Variants in GALNT13 observed in about 807,000 individuals in gnomAD.
The protein encoded by GALNT13 is polypeptide N-acetylgalactosaminyltransferase 13.
GALNT13 carries 28 observed loss-of-function variants against 64.2 expected under a neutral mutation model. That is an observed-to-expected ratio of 0.44 (90% CI 0.32 to 0.60). The LOEUF (loss-of-function observed/expected upper bound fraction) is 0.60, where lower values mean the gene tolerates loss of function less well. Among genes scored for constraint, GALNT13 ranks in the 20% least tolerant of loss-of-function variants. The probability of loss-of-function intolerance (pLI) is 0.05; values close to 1 mark genes in which losing one functional copy is unlikely to be tolerated. For missense variants in GALNT13, 577 were observed against 669.8 expected (o/e 0.86, Z 1.53); for synonymous variants, 214 against 224.6 (o/e 0.95, Z 0.42).
At chr2:154,318,633 G>A (rs950966772) in intron 9 of GALNT13, among the ~76,000 whole-genome samples, 1 of 151,620 alleles carries the variant, frequency 6.6e-6, no homozygotes, top group African/African-American at 2.4e-5. Flanking sequence ...GCTGAGGCAG[G>A]AGAATTGCTT....
chr2:153,466,450 GT>G, the GALNT13 span, among the ~76,000 whole-genome samples: 41 of 148,362 alleles, frequency 2.8e-4, no homozygotes, highest in African/African-American at 7.4e-4. Context: ...CTTTCTAGTT[GT>G]TTTTTTTTTA....
the GALNT13 span, among the ~76,000 whole-genome samples, chr2:153,733,123 C>T: frequency 6.6e-6 from 1 of 152,112 alleles, no homozygotes; most frequent in Admixed American, 6.6e-5. Context: ...TCAACTACTA[C>T]TTACCTTCGT....
chr2:153,966,372 CTT>C (rs35037727), intron 3 of GALNT13, among the ~76,000 whole-genome samples: 2 of 145,740 alleles, frequency 1.4e-5, no homozygotes, highest in African/African-American at 5.0e-5. Flanking sequence ...TGTTGGGATT[CTT>C]TTTTTTTTTG....
At chr2:153,435,944 G>C in the GALNT13 span, among the ~76,000 whole-genome samples, 1 of 152,100 alleles carries the variant, frequency 6.6e-6, no homozygotes, top group Admixed American at 6.5e-5. Context: ...TGCCCATTCA[G>C]TATGATATTG....
At chr2:153,954,136 T>C (rs1342936684) in intron 3 of GALNT13, among the ~76,000 whole-genome samples, 1 of 152,144 alleles carries the variant, frequency 6.6e-6, no homozygotes, top group African/African-American at 2.4e-5. Flanking sequence ...ATTCCTATGT[T>C]TACATAAGGG....
At chr2:153,790,290 A>G in the GALNT13 span, among the ~76,000 whole-genome samples, 1 of 152,206 alleles carries the variant, frequency 6.6e-6, no homozygotes, top group Non-Finnish European at 1.5e-5. Context: ...ACACAAATCA[A>G]TAATGTGATT....
intron 1 of GALNT13, among the ~76,000 whole-genome samples, chr2:153,887,869 C>G (rs1315720052): frequency 6.6e-6 from 1 of 151,954 alleles, no homozygotes; most frequent in Non-Finnish European, 1.5e-5. Context: ...ACATTGCCAT[C>G]CCACCCTTCA....
the GALNT13 span, among the ~76,000 whole-genome samples, chr2:153,473,577 T>G: frequency 1.3e-5 from 2 of 152,218 alleles, no homozygotes; most frequent in African/African-American, 4.8e-5. Context: ...TAGGTCTACA[T>G]GGGATTTGAC....
At chr2:154,347,484 C>T (rs1696136174) in intron 9 of GALNT13, among the ~76,000 whole-genome samples, 3 of 152,180 alleles carry the variant, frequency 2.0e-5, no homozygotes, top group Non-Finnish European at 4.4e-5. Flanking sequence ...ATTATCTGCT[C>T]TCCAGTAATT....
chr2:153,389,774 C>T, the GALNT13 span, among the ~76,000 whole-genome samples: 1 of 151,966 alleles, frequency 6.6e-6, no homozygotes, highest in African/African-American at 2.4e-5. Context: ...GGGCTAGAGG[C>T]GAATACCTGG....
chr2:153,505,596 GT>G, the GALNT13 span, among the ~76,000 whole-genome samples: 1 of 151,864 alleles, frequency 6.6e-6, no homozygotes, highest in African/African-American at 2.4e-5. Flanking sequence ...TTAAAAATTC[GT>G]TTCATTGTTG....
At chr2:153,432,717 G>T in the GALNT13 span, among the ~76,000 whole-genome samples, 19 of 151,910 alleles carry the variant, frequency 1.3e-4, no homozygotes, top group African/African-American at 3.6e-4. Context: ...TTTGGCTGGG[G>T]GGTGGGGAGG....
intron 9 of GALNT13, among the ~76,000 whole-genome samples, chr2:154,368,270 GA>G (rs1320192766): frequency 1.9e-4 from 29 of 151,994 alleles, no homozygotes; most frequent in African/African-American, 6.8e-4. Context: ...ATTCTGATAT[GA>G]GCTTCTCATG....
the GALNT13 span, among the ~76,000 whole-genome samples, chr2:153,641,889 G>A: frequency 6.6e-6 from 1 of 151,688 alleles, no homozygotes; most frequent in Non-Finnish European, 1.5e-5. Flanking sequence ...CCTGTTATCA[G>A]TATATTCTAT....
chr2:153,724,650 T>A, the GALNT13 span, among the ~76,000 whole-genome samples: 60 of 123,154 alleles, frequency 4.9e-4, no homozygotes, highest in Non-Finnish European at 8.1e-4. Flanking sequence ...GCGAGGGACA[T>A]GAACAGACAC....
intron 8 of GALNT13, among the ~76,000 whole-genome samples, chr2:154,259,348 C>G (rs1171467513): frequency 1.3e-5 from 2 of 152,094 alleles, no homozygotes; most frequent in South Asian, 2.1e-4. Context: ...TTTTTGTTTT[C>G]AAAAATATTG....
the GALNT13 span, among the ~76,000 whole-genome samples, chr2:153,355,779 G>A: frequency 8.5e-5 from 13 of 152,248 alleles, no homozygotes; most frequent in Non-Finnish European, 1.5e-4. Context: ...GTTTTCATGA[G>A]GATCAAATGA....
the GALNT13 span, among the ~76,000 whole-genome samples, chr2:153,352,324 GT>G: frequency 6.6e-6 from 1 of 152,000 alleles, no homozygotes; most frequent in East Asian, 1.9e-4. Context: ...TTATTGTTGA[GT>G]TTTAAAAGTT....
At chr2:153,157,113 A>G in the GALNT13 span, among the ~76,000 whole-genome samples, 1 of 152,206 alleles carries the variant, frequency 6.6e-6, no homozygotes, top group Admixed American at 6.5e-5. Context: ...TGTTTCTATG[A>G]AAACTCAACA....
Sources: gnomAD v4.1 joint callset for allele counts (sites outside exome capture counted in the v4.1 genomes callset) on GRCh38, gnomAD v4.1.1 for gene constraint, MANE v1.5 for transcripts, NCBI Gene and HGNC (gene_info 2026-07-23, HGNC 2026-07-21) for gene names.